TCP11: variants seen among roughly 807,000 people sequenced by gnomAD.
TCP11 encodes t-complex 11, also known as T-complex protein 11 homolog.
Under a neutral mutation model 45.0 loss-of-function variants are expected in TCP11, and 34 were observed. That is an observed-to-expected ratio of 0.76 (90% CI 0.57 to 1.01). TCP11 has a LOEUF of 1.01. Among genes scored for constraint, TCP11 ranks in the 50% least tolerant of loss-of-function variants. The probability of loss-of-function intolerance (pLI) is 0.00; values close to 1 mark genes in which losing one functional copy is unlikely to be tolerated. For missense variants in TCP11, 523 were observed against 598.1 expected (o/e 0.87, Z 1.31); for synonymous variants, 227 against 227.0 (o/e 1.00, Z 0.00).
At chr6:35,131,682 C>T (rs938208622) in intron 3 of TCP11, among the ~76,000 whole-genome samples, 1 of 152,222 alleles carries the variant, frequency 6.6e-6, no homozygotes. Context: ...AACAACTAAT[C>T]GGAACAGGGT....
At chr6:35,119,742 C>T (rs552576546) in intron 8 of TCP11, among the ~76,000 whole-genome samples, 1 of 152,306 alleles carries the variant, frequency 6.6e-6, no homozygotes, top group African/African-American at 2.4e-5. Flanking sequence ...ATGTTTAAGA[C>T]TTTCTTAGGC....
rs746528793 is a variant in TCP11, at chr6:35,122,312, C to A, written c.383G>T (p.Arg128Leu). ...AATCTCAATTCTCAGGCGGTTCTGGCGTGGTAATAGCAGTGATAGCAAGAT... is the reference window on the plus strand; with the variant it reads ...AATCTCAATTCTCAGGCGGTTCTGGAGTGGTAATAGCAGTGATAGCAAGAT... ...KEILLSLLLP[R>L]QNRLRIEIEE... Residue 128 changes from arginine (R) to leucine (L), a missense_variant, in exon 5 of 10, where the codon CGC becomes CTC. Arg to Leu is a moderately radical substitution (Grantham distance 102). Around this residue, in one of 2 missense-constraint regions of TCP11, gnomAD observed 225 missense variants for 210.2 expected, o/e 1.07. Transcript: ENST00000311875. 13 of 1,613,996 alleles carry A rather than the reference C, an allele frequency of 8.1e-6. No homozygotes were observed. The Admixed American group carries it at 1.7e-4, about 21-fold the overall frequency.
At chr6:35,141,081 G>GA in intron 1 of TCP11, 124 bp downstream of exon 1, 1 of 1,245,900 alleles carries the variant, frequency 8.0e-7, no homozygotes, top group Middle Eastern at 3.0e-4. Flanking sequence ...CGGCAACGAG[G>GA]AAACTAAAGC....
rs1442030356 is a variant in TCP11, at chr6:35,120,811, T to C, written c.715+98A>G. Reference sequence around the variant, plus strand: ...TCCCTCCCTTCACCTAATAAGCAACTTTCTATTCCTAAAAAGAGATAGAGT... The same window carrying C: ...TCCCTCCCTTCACCTAATAAGCAACCTTCTATTCCTAAAAAGAGATAGAGT... On this transcript the variant is annotated intron_variant, in intron 6 of 9. Coordinates refer to ENST00000311875, the MANE Select transcript of TCP11 (RefSeq NM_001370687.1). The surrounding 1 kb of genome is among the most constrained non-coding windows in gnomAD (Gnocchi z 4.9). 4.1e-5 allele frequency: 61 copies of C among 1,478,936 alleles called. No individual in the cohort carries two copies. Among genetic ancestry groups the C allele is most frequent in the South Asian group, 2.2e-4 (16 of 72,768 alleles). The allele number at this position is 1,478,936 out of a possible 1,614,324, so 91.6% of individuals were successfully genotyped here.
chr6:35,138,930 A>G (rs1781414424), intron 2 of TCP11, among the ~76,000 whole-genome samples: 1 of 152,202 alleles, frequency 6.6e-6, no homozygotes, highest in Admixed American at 6.5e-5. Context: ...GCTCTTGCCT[A>G]TAATCCCAGC....
intron 2 of TCP11, 31 bp downstream of exon 2, chr6:35,140,716 G>C (rs1288449536): frequency 6.7e-7 from 1 of 1,500,880 alleles, no homozygotes; most frequent in Admixed American, 2.2e-5. Context: ...CACCCCCTAG[G>C]GGGCCACAGG....
Position 35,120,581 on chromosome 6 carries a change from T to C in TCP11, c.781A>G (p.Thr261Ala). ...GAGGAGTCAGAAGTGTCTGGGCAAGTCGGAGGTGACATGGTGAGGTCTCCT... is the reference window on the plus strand; with the variant it reads ...GAGGAGTCAGAAGTGTCTGGGCAAGCCGGAGGTGACATGGTGAGGTCTCCT... ...AAGDLTMSPP[T>A]CPDTSDSSSV... Residue 261 changes from threonine (T) to alanine (A), a missense_variant, in exon 7 of 10, where the codon ACT (threonine) becomes GCT (alanine). By Grantham distance (58) the Thr-to-Ala change is moderately conservative. Around this residue, in one of 2 missense-constraint regions of TCP11, gnomAD observed 298 missense variants for 387.9 expected, o/e 0.77. Coordinates refer to ENST00000311875, the MANE Select transcript of TCP11 (RefSeq NM_001370687.1). This position sits in a 1 kb window ranked among gnomAD's most constrained non-coding sequence, Gnocchi z 4.9. 1 of 1,613,826 alleles carries C rather than the reference T, an allele frequency of 6.2e-7. No homozygotes were observed.
At position 35,118,410 on chromosome 6, in the gene TCP11, T is replaced by A. The variant is rs1778860049; in HGVS notation, c.1371A>T (p.Glu457Asp). 11 of 1,614,144 alleles carry A rather than the reference T, an allele frequency of 6.8e-6. No homozygotes were observed. Among genetic ancestry groups the A allele is most frequent in the Non-Finnish European group, 9.3e-6 (11 of 1,180,002 alleles). The change falls in exon 10 of 10, where the codon GAA (glutamate) becomes GAT (aspartate). Residue 457 changes from glutamate to aspartate, a missense_variant. By Grantham distance (45) the Glu-to-Asp change is conservative (BLOSUM62 2). Transcript: ENST00000311875. ...TTTGGCCCAGTTCTGCCAGTTCTGC[T>A]TCAATGAGAGTAAGGCCTCCAGGAA... Reference protein sequence around the residue: ...LDLPGGLTLIEAELAELGQKF... With the variant: ...LDLPGGLTLIDAELAELGQKF...
chr6:35,137,824 G>A (rs771692414), intron 2 of TCP11: 17 of 455,594 alleles, frequency 3.7e-5, no homozygotes, highest in Non-Finnish European at 4.4e-6. Flanking sequence ...GATGAACAAA[G>A]ATTGGCCACG....
At chr6:35,140,970 G>T (rs565622028) in intron 1 of TCP11, 86 bp from the exon 2 acceptor site, 2 of 1,430,526 alleles carry the variant, frequency 1.4e-6, no homozygotes, top group South Asian at 1.5e-5. Flanking sequence ...GGCGGGAAGG[G>T]GGGTAGCGGC....
At chr6:35,140,423 G>A (rs571693909) in intron 2 of TCP11, 5 of 529,382 alleles carry the variant, frequency 9.4e-6, no homozygotes, top group South Asian at 7.0e-5. Context: ...GATCATTTGG[G>A]TTCTTTAAAA....
chr6:35,141,290 G>T lies in TCP11; in HGVS notation c.-100C>A. Reference sequence around the variant, plus strand: ...CGGCCTGGAGCGTACCACCGCGGCGGAGCGGCGGGTTGGGGCGTCGCACGG... The same window carrying T: ...CGGCCTGGAGCGTACCACCGCGGCGTAGCGGCGGGTTGGGGCGTCGCACGG... On this transcript the variant is annotated 5_prime_UTR_variant, in exon 1 of 10. Coordinates refer to ENST00000311875, the MANE Select transcript of TCP11 (RefSeq NM_001370687.1). The T allele has an allele frequency of 7.7e-7, 1 of 1,292,876 alleles. No homozygotes were observed. The highest frequency in any genetic ancestry group is 2.3e-5 in the South Asian group (1 of 44,334). The allele number at this position is 1,292,876 out of a possible 1,614,324, so 80.1% of individuals were successfully genotyped here. A position where few individuals can be genotyped will look rare whatever the true frequency, so the allele number is the denominator to read the frequency against.
intron 3 of TCP11, among the ~76,000 whole-genome samples, chr6:35,132,318 C>T (rs1011156124): frequency 2.0e-5 from 3 of 152,194 alleles, no homozygotes; most frequent in Non-Finnish European, 4.4e-5. Context: ...CTTCATAGGC[C>T]TAACCTTCCT....
intron 4 of TCP11, among the ~76,000 whole-genome samples, chr6:35,122,855 A>G (rs1779437853): frequency 1.3e-5 from 2 of 152,298 alleles, no homozygotes; most frequent in South Asian, 4.1e-4. Flanking sequence ...ATAGGATTCA[A>G]TGAATATTTA....
At chr6:35,141,108 A>T in intron 1 of TCP11, 97 bp downstream of exon 1, 4 of 1,287,742 alleles carry the variant, frequency 3.1e-6, no homozygotes, top group Non-Finnish European at 3.9e-6. Context: ...AGCCCGGCGC[A>T]GGGCGGGAAG....
chr6:35,127,797 C>T (rs1581823450), intron 4 of TCP11, among the ~76,000 whole-genome samples: 1 of 152,146 alleles, frequency 6.6e-6, no homozygotes, highest in African/African-American at 2.4e-5. Flanking sequence ...AAATAGCTAT[C>T]TGTCTTGTAA....
At chr6:35,121,575 G>A (rs1041597632) in intron 5 of TCP11, among the ~76,000 whole-genome samples, 2 of 151,762 alleles carry the variant, frequency 1.3e-5, no homozygotes. Flanking sequence ...CACTTTGGGA[G>A]GCCGAGGTGG....
In TCP11 at chr6:35,141,271, G is replaced by A. The variant is rs1781758586; in HGVS notation, c.-81C>T. The A allele has an allele frequency of 9.3e-7, 1 of 1,079,726 alleles. No individual in the cohort carries two copies. Among genetic ancestry groups the A allele is most frequent in the East Asian group, 3.2e-5 (1 of 30,940 alleles). 66.9% of individuals were successfully genotyped at this position (1,079,726 alleles called of 1,614,324 possible). The stretch of plus-strand genomic sequence containing the variant: ...GGTGGGCCTCGCGGCCTGGCGGCCT[G>A]GAGCGTACCACCGCGGCGGAGCGGC... On this transcript the variant is annotated 5_prime_UTR_variant, in exon 1 of 10. Coordinates refer to ENST00000311875, the MANE Select transcript of TCP11 (RefSeq NM_001370687.1).
chr6:35,141,042 C>A, intron 1 of TCP11, 158 bp from the exon 2 acceptor site: 1 of 1,231,666 alleles, frequency 8.1e-7, no homozygotes, highest in South Asian at 2.1e-5. Flanking sequence ...GAGCGGAAGT[C>A]GAGAGTGGGA....
Sources: allele counts gnomAD v4.1 joint callset (sites outside exome capture counted in the v4.1 genomes callset), GRCh38; gene constraint gnomAD v4.1.1; regional missense constraint gnomAD v4.1.1; non-coding constraint Gnocchi (gnomAD v3.1); transcripts MANE v1.5; gene names NCBI Gene and HGNC (gene_info 2026-07-23, HGNC 2026-07-21).